MGMT: variants seen among roughly 807,000 people sequenced by gnomAD.
The protein encoded by MGMT is O-6-methylguanine-DNA methyltransferase, also known as methylated-DNA--protein-cysteine methyltransferase.
MGMT carries 14 observed loss-of-function variants against 15.9 expected under a neutral mutation model. The ratio of observed to expected loss-of-function variants is 0.88; its 90% CI spans 0.58 to 1.37. The LOEUF (loss-of-function observed/expected upper bound fraction) is 1.37. Among genes scored for constraint, MGMT ranks in the 40% most tolerant of loss-of-function variants. MGMT has a pLI of 0.00. For synonymous variants in MGMT, 130 were observed against 118.2 expected, an observed-to-expected ratio of 1.10 and a Z score of -0.65; for missense variants, 282 against 268.1, an observed-to-expected ratio of 1.05 and a Z score of -0.36.
intron 4 of MGMT, 34 bp from the exon 5 acceptor site, chr10:129,766,754 C>T (rs751570479): frequency 5.0e-6 from 8 of 1,589,842 alleles, no homozygotes; most frequent in African/African-American, 1.3e-5. Context: ...TGTCCAGATC[C>T]CTGACTGACA....
chr10:129,729,659 C>T (rs1401202675), intron 3 of MGMT, among the ~76,000 whole-genome samples: 1 of 152,230 alleles, frequency 6.6e-6, no homozygotes, highest in East Asian at 1.9e-4. Context: ...TTTCCTTTTG[C>T]CCGTCCTTCT....
intron 1 of MGMT, among the ~76,000 whole-genome samples, chr10:129,512,823 G>A (rs1340595889): frequency 6.6e-6 from 1 of 152,216 alleles, no homozygotes; most frequent in East Asian, 1.9e-4. Flanking sequence ...TGGAGCAGCT[G>A]CTGTGGGACA....
At chr10:129,467,393 G>T in intron 1 of MGMT, 97 bp downstream of exon 1, 1 of 1,387,040 alleles carries the variant, frequency 7.2e-7, no homozygotes, top group Non-Finnish European at 9.3e-7. Flanking sequence ...TCACTTCGCC[G>T]TCGGGTGTGG....
At chr10:129,631,378 G>A (rs1847207916) in intron 2 of MGMT, among the ~76,000 whole-genome samples, 1 of 152,184 alleles carries the variant, frequency 6.6e-6, no homozygotes, top group African/African-American at 2.4e-5. Flanking sequence ...ACAGAAGAAT[G>A]AAGGACTCTT....
At chr10:129,549,821 G>C (rs1846136216) in intron 2 of MGMT, among the ~76,000 whole-genome samples, 1 of 152,064 alleles carries the variant, frequency 6.6e-6, no homozygotes, top group Non-Finnish European at 1.5e-5. Flanking sequence ...AAGCGTTACG[G>C]GGATTGTTTG....
chr10:129,624,694 G>A (rs1051036793), intron 2 of MGMT, among the ~76,000 whole-genome samples: 1 of 152,200 alleles, frequency 6.6e-6, no homozygotes, highest in African/African-American at 2.4e-5. Flanking sequence ...TGGTCAGCAT[G>A]CCCAGTGCGG....
At chr10:129,503,388 G>C (rs1239588290) in intron 1 of MGMT, among the ~76,000 whole-genome samples, 1 of 152,106 alleles carries the variant, frequency 6.6e-6, no homozygotes, top group Admixed American at 6.5e-5. Context: ...TTTCTGCCTT[G>C]GCAATAAAAT....
intron 1 of MGMT, among the ~76,000 whole-genome samples, chr10:129,517,837 C>T (rs547450137): frequency 1.3e-5 from 2 of 152,182 alleles, no homozygotes; most frequent in African/African-American, 2.4e-5. Flanking sequence ...CGCCGCAGCC[C>T]GGGACTGCTG....
At chr10:129,748,876 C>A (rs1564784171) in intron 3 of MGMT, among the ~76,000 whole-genome samples, 1 of 152,134 alleles carries the variant, frequency 6.6e-6, no homozygotes, top group African/African-American at 2.4e-5. Flanking sequence ...TATTCAAGCC[C>A]AGTATACATA....
chr10:129,501,029 T>C (rs1444931673), intron 1 of MGMT, among the ~76,000 whole-genome samples: 1 of 152,218 alleles, frequency 6.6e-6, no homozygotes, highest in Non-Finnish European at 1.5e-5. Flanking sequence ...AACATTGAGC[T>C]CAGTGACGGG....
At chr10:129,551,173 T>C (rs781601898) in intron 2 of MGMT, among the ~76,000 whole-genome samples, 6 of 152,218 alleles carry the variant, frequency 3.9e-5, no homozygotes, top group East Asian at 1.9e-4. Context: ...TGGGGAGGTA[T>C]CTTTAGTAAA....
chr10:129,497,800 T>C (rs1345225976), intron 1 of MGMT, among the ~76,000 whole-genome samples: 1 of 152,160 alleles, frequency 6.6e-6, no homozygotes, highest in Admixed American at 6.5e-5. Context: ...AAAAGAGGAC[T>C]GAGGGAGCTC....
chr10:129,651,256 T>C (rs548952302), intron 2 of MGMT, among the ~76,000 whole-genome samples: 5 of 152,324 alleles, frequency 3.3e-5, no homozygotes, highest in African/African-American at 1.2e-4. Context: ...AGGTGCTCGT[T>C]TCTCCAGTAC....
intron 3 of MGMT, among the ~76,000 whole-genome samples, chr10:129,708,991 C>T (rs1397535339): frequency 6.6e-6 from 1 of 152,166 alleles, no homozygotes; most frequent in African/African-American, 2.4e-5. Flanking sequence ...TGGGCTAATA[C>T]CTGAGTTCAC....
intron 2 of MGMT, among the ~76,000 whole-genome samples, chr10:129,676,360 A>G (rs1400062110): frequency 6.6e-6 from 1 of 152,184 alleles, no homozygotes; most frequent in Non-Finnish European, 1.5e-5. Context: ...ATACAGGTTG[A>G]TGGCAACAGC....
chr10:129,568,012 AG>A (rs1262911183), intron 2 of MGMT, among the ~76,000 whole-genome samples: 1 of 152,248 alleles, frequency 6.6e-6, no homozygotes, highest in Non-Finnish European at 1.5e-5. Context: ...GATATTAGGC[AG>A]TGTTGCACTT....
intron 1 of MGMT, among the ~76,000 whole-genome samples, chr10:129,474,335 C>T (rs900340374): frequency 2.6e-5 from 4 of 152,096 alleles, no homozygotes; most frequent in Non-Finnish European, 5.9e-5. Flanking sequence ...CCTGGCAGGG[C>T]GGGGACAGTT....
At chr10:129,698,967 GA>G (rs1382894867) in intron 2 of MGMT, among the ~76,000 whole-genome samples, 4 of 152,118 alleles carry the variant, frequency 2.6e-5, no homozygotes, top group African/African-American at 9.7e-5. Flanking sequence ...AAAAATAAAA[GA>G]AAACACAAGT....
At chr10:129,585,520 A>G (rs1037126470) in intron 2 of MGMT, among the ~76,000 whole-genome samples, 9 of 152,188 alleles carry the variant, frequency 5.9e-5, no homozygotes. Flanking sequence ...CAAGCCTCTT[A>G]TATAAAATGG....
Sources: gnomAD v4.1 joint callset for allele counts (sites outside exome capture counted in the v4.1 genomes callset) on GRCh38, gnomAD v4.1.1 for gene constraint, MANE v1.5 for transcripts, NCBI Gene and HGNC (gene_info 2026-07-23, HGNC 2026-07-21) for gene names.